HDAC8: variants seen among roughly 807,000 people sequenced by gnomAD.
The protein encoded by HDAC8 is histone deacetylase 8.
Under a neutral mutation model 32.2 loss-of-function variants are expected in HDAC8, and 1 was observed. The ratio of observed to expected loss-of-function variants is 0.03; its 90% confidence interval spans 0.01 to 0.15. HDAC8 has a LOEUF of 0.15. Among genes scored for constraint, HDAC8 ranks in the 10% least tolerant of loss-of-function variants. The pLI is 1.00. For synonymous variants in HDAC8, 108 were observed against 113.9 expected, an observed-to-expected ratio of 0.95 and a Z score of 0.33; for missense variants, 117 against 300.0, an observed-to-expected ratio of 0.39 and a Z score of 4.51.
intron 9 of HDAC8, among the ~76,000 whole-genome samples, chrX:72,395,251 G>T (rs782592760): frequency 8.9e-6 from 1 of 112,225 alleles, no homozygotes; most frequent in Non-Finnish European, 1.9e-5. Flanking sequence ...AACATCTTTT[G>T]TCTGGGGGAA....
chrX:72,460,999 G>T (rs1489034282), intron 9 of HDAC8, among the ~76,000 whole-genome samples: 1 of 111,916 alleles, frequency 8.9e-6, no homozygotes, highest in African/African-American at 3.2e-5. Context: ...GATACATATT[G>T]TACCTCACCT....
At chrX:72,354,389 T>C (rs940055584) in intron 9 of HDAC8, among the ~76,000 whole-genome samples, 39 of 112,628 alleles carry the variant, frequency 3.5e-4, no homozygotes, top group African/African-American at 1.2e-3. Flanking sequence ...CCTGCAAAGG[T>C]AGAAACTTCT....
chrX:72,453,305 CAATT>C (rs2047621536), intron 9 of HDAC8, among the ~76,000 whole-genome samples: 1 of 108,609 alleles, frequency 9.2e-6, no homozygotes, highest in Non-Finnish European at 1.9e-5. Flanking sequence ...CAAAATAAAA[CAATT>C]AACCAGGCAT....
intron 9 of HDAC8, among the ~76,000 whole-genome samples, chrX:72,439,894 T>A (rs1555980974): frequency 2.7e-5 from 3 of 111,729 alleles, no homozygotes; most frequent in Non-Finnish European, 1.9e-5. Flanking sequence ...AACACCCCAC[T>A]GTCAGTATTA....
At chrX:72,355,457 G>A (rs988978679) in intron 9 of HDAC8, among the ~76,000 whole-genome samples, 2 of 111,529 alleles carry the variant, frequency 1.8e-5, no homozygotes, top group African/African-American at 6.5e-5. Context: ...TTTGCTTTCT[G>A]GGCTTCAGTT....
At chrX:72,453,578 C>T (rs926260754) in intron 9 of HDAC8, among the ~76,000 whole-genome samples, 2 of 111,356 alleles carry the variant, frequency 1.8e-5, no homozygotes, top group Non-Finnish European at 3.8e-5. Flanking sequence ...TTCAACATAA[C>T]TGGTCTAACT....
chrX:72,410,228 A>G (rs1420727504), intron 9 of HDAC8, among the ~76,000 whole-genome samples: 1 of 111,061 alleles, frequency 9.0e-6, no homozygotes, highest in East Asian at 2.8e-4. Context: ...CATTTTAGTG[A>G]GTAGAGAGTT....
chrX:72,428,227 G>A (rs1692992008), intron 9 of HDAC8, among the ~76,000 whole-genome samples: 1 of 112,037 alleles, frequency 8.9e-6, no homozygotes, highest in Non-Finnish European at 1.9e-5. Context: ...CTGAGTAGCC[G>A]GGATTACAGG....
At chrX:72,427,612 G>T (rs868956914) in intron 9 of HDAC8, among the ~76,000 whole-genome samples, 1 of 73,536 alleles carries the variant, frequency 1.4e-5, no homozygotes, top group Non-Finnish European at 2.8e-5. Flanking sequence ...TGGGGGGGGG[G>T]AGGGATAGCA....
chrX:72,559,479 G>A (rs1447179150), intron 4 of HDAC8, among the ~76,000 whole-genome samples: 1 of 111,887 alleles, frequency 8.9e-6, no homozygotes, highest in Admixed American at 9.4e-5. Context: ...TGCAGCCTCT[G>A]CCCGGCCGCC....
chrX:72,452,271 C>T (rs1269649994), intron 9 of HDAC8, among the ~76,000 whole-genome samples: 1 of 111,987 alleles, frequency 8.9e-6, no homozygotes, highest in Non-Finnish European at 1.9e-5. Context: ...GCCTGGCCAA[C>T]ATGGCGAAAC....
rs940542137 is a variant in HDAC8, at chrX:72,505,090, A to T, written c.438-9822T>A. Among the ~76,000 whole-genome samples, 5 of 109,726 alleles carry T rather than the reference A, an allele frequency of 4.6e-5. No homozygotes were observed. The South Asian group carries it at 2.0e-3, about 43-fold the overall frequency. On this transcript the variant is annotated intron_variant, in intron 4 of 10. Coordinates refer to ENST00000373573, the MANE Select transcript of HDAC8 (RefSeq NM_018486.3). ...ATTTTTAAAAATTTAAAAATTTTTT[A>T]ATTTTTTTTTTGCTGTTGAGTTATA...
chrX:72,401,868 G>A (rs1366468508), intron 9 of HDAC8, among the ~76,000 whole-genome samples: 1 of 112,226 alleles, frequency 8.9e-6, no homozygotes, highest in Admixed American at 9.4e-5. Context: ...CAGCCTCATA[G>A]AATTATTAGG....
In HDAC8 at chrX:72,539,479, A is replaced by G. The variant is rs550588255; in HGVS notation, c.437+28410T>C. Among the ~76,000 whole-genome samples the G allele has an allele frequency of 2.3e-4, 25 of 108,464 alleles. 1 individual carries two copies. The South Asian group carries it at 0.01, about 45-fold the overall frequency. 94.2% of individuals were successfully genotyped at this position (108,464 alleles called of 115,157 possible). The stretch of plus-strand genomic sequence containing the variant: ...ATGGTCTCGATCTCTTGACCTCGTG[A>G]TCCACCCGCCTCGGCCTCCCAAAGT... On this transcript the variant is annotated intron_variant, in intron 4 of 10. Coordinates refer to ENST00000373573, the MANE Select transcript of HDAC8 (RefSeq NM_018486.3).
intron 9 of HDAC8, among the ~76,000 whole-genome samples, chrX:72,368,077 G>T (rs2044752737): frequency 8.9e-6 from 1 of 112,984 alleles, no homozygotes; most frequent in South Asian, 3.6e-4. Context: ...TGGAAAACCA[G>T]TCAACCAGGT....
At chrX:72,544,704 G>A (rs1006787539) in intron 4 of HDAC8, among the ~76,000 whole-genome samples, 4 of 111,895 alleles carry the variant, frequency 3.6e-5, no homozygotes, top group Non-Finnish European at 7.5e-5. Context: ...GTCACATTAA[G>A]CGAATTTCTC....
intron 9 of HDAC8, among the ~76,000 whole-genome samples, chrX:72,358,469 T>G (rs1322669427): frequency 8.9e-6 from 1 of 111,898 alleles, no homozygotes; most frequent in African/African-American, 3.2e-5. Flanking sequence ...AGACAGCTAC[T>G]AAGTGACTAA....
intron 4 of HDAC8, among the ~76,000 whole-genome samples, chrX:72,504,138 A>G (rs1045862139): frequency 6.2e-5 from 7 of 112,090 alleles, no homozygotes; most frequent in Non-Finnish European, 1.3e-4. Context: ...ATCTAATGAG[A>G]CTTAATTTTT....
intron 9 of HDAC8, among the ~76,000 whole-genome samples, chrX:72,448,632 T>C (rs781906944): frequency 8.9e-6 from 1 of 112,139 alleles, no homozygotes; most frequent in Non-Finnish European, 1.9e-5. Context: ...GAAACTATCA[T>C]CAGAGTGAAC....
Sources: allele counts gnomAD v4.1 joint callset (sites outside exome capture counted in the v4.1 genomes callset), GRCh38; gene constraint gnomAD v4.1.1; transcripts MANE v1.5; gene names NCBI Gene and HGNC (gene_info 2026-07-23, HGNC 2026-07-21).